Variants in TMEM50A observed in about 807,000 individuals in gnomAD.
The protein encoded by TMEM50A is cervical cancer oncogene 9.
Under a neutral mutation model 23.9 loss-of-function variants are expected in TMEM50A, and 8 were observed. The observed-to-expected ratio is 0.33, with a 90% CI of 0.20 to 0.60. The LOEUF (loss-of-function observed/expected upper bound fraction) is 0.60, where lower values mean the gene tolerates loss of function less well. Among genes scored for constraint, TMEM50A ranks in the 20% least tolerant of loss-of-function variants. The pLI, the probability that TMEM50A is intolerant of heterozygous loss-of-function variation, is 0.81. For missense variants in TMEM50A, 178 were observed against 192.7 expected (o/e 0.92, Z 0.45); for synonymous variants, 55 against 60.4 (o/e 0.91, Z 0.41).
chr1:25,357,153 A>G (rs1271047362), intron 6 of TMEM50A, among the ~76,000 whole-genome samples: 1 of 152,108 alleles, frequency 6.6e-6, no homozygotes, highest in Non-Finnish European at 1.5e-5. Context: ...TTAAACTTAG[A>G]TCTCTAACAG....
chr1:25,343,174 T>A, intron 3 of TMEM50A, 101 bp downstream of exon 3: 2 of 854,826 alleles, frequency 2.3e-6, no homozygotes, highest in Non-Finnish European at 3.6e-6. Flanking sequence ...ATTATCAGAT[T>A]AACACACTGG....
intron 3 of TMEM50A, 96 bp downstream of exon 3, chr1:25,343,169 C>T: frequency 1.1e-6 from 1 of 877,940 alleles, no homozygotes; most frequent in South Asian, 1.8e-5. Context: ...TAAATATTAT[C>T]AGATTAACAC....
chr1:25,358,182 C>T (rs1320570619), intron 6 of TMEM50A, among the ~76,000 whole-genome samples: 1 of 151,984 alleles, frequency 6.6e-6, no homozygotes, highest in African/African-American at 2.4e-5. Flanking sequence ...CTCCTGACCT[C>T]GTGACCCACC....
chr1:25,342,969 A>T lies in TMEM50A; in HGVS notation c.102A>T (p.Thr34=). The change falls in exon 3 of 7, where the codon ACA becomes ACT. Residue 34 remains threonine (T), a synonymous_variant. Transcript: ENST00000374358. ...TATCACCTTTGTTTTAGTTTTTTAC[A>T]GGCTGGTGGATTATCATAGATGCAG... ...ASIAAGVLFF[T]GWWIIIDAAV... The T allele has an allele frequency of 6.2e-7, 1 of 1,610,530 alleles. No individual in the cohort carries two copies. The highest frequency in any genetic ancestry group is 8.5e-7 in the Non-Finnish European group (1 of 1,178,886).
At chr1:25,341,587 C>G (rs1645169208) in intron 2 of TMEM50A, among the ~76,000 whole-genome samples, 1 of 152,090 alleles carries the variant, frequency 6.6e-6, no homozygotes, top group Non-Finnish European at 1.5e-5. Flanking sequence ...CCATGTTGGT[C>G]AAGCTGGTCT....
At chr1:25,360,534 C>T (rs768309607) in intron 6 of TMEM50A, 126 bp from the exon 7 acceptor site, 30 of 970,876 alleles carry the variant, frequency 3.1e-5, no homozygotes, top group East Asian at 5.0e-5. Context: ...TGATACATTT[C>T]GTACCAAAAT....
At chr1:25,357,528 AGTGTGT>A (rs58801158) in intron 6 of TMEM50A, among the ~76,000 whole-genome samples, 58 of 139,660 alleles carry the variant, frequency 4.2e-4, no homozygotes, top group African/African-American at 9.5e-4. Flanking sequence ...CTGCATCAGG[AGTGTGT>A]GTGTGTGTGT....
chr1:25,354,585 C>G (rs1341826725), intron 5 of TMEM50A, among the ~76,000 whole-genome samples: 1 of 151,782 alleles, frequency 6.6e-6, no homozygotes, highest in Non-Finnish European at 1.5e-5. Flanking sequence ...GTACTCCAGC[C>G]TGGGTGACAA....
chr1:25,358,239 G>T (rs1645357203), intron 6 of TMEM50A, among the ~76,000 whole-genome samples: 1 of 152,172 alleles, frequency 6.6e-6, no homozygotes, highest in Non-Finnish European at 1.5e-5. Flanking sequence ...GAGCCACCGT[G>T]CCTGGCCAAG....
At chr1:25,357,982 C>G (rs1645353547) in intron 6 of TMEM50A, among the ~76,000 whole-genome samples, 2 of 142,924 alleles carry the variant, frequency 1.4e-5, no homozygotes, top group Non-Finnish European at 1.5e-5. Flanking sequence ...GAGTCTCACT[C>G]TGTCGCCCAG....
chr1:25,345,097 TG>T (rs1342426710), intron 3 of TMEM50A, among the ~76,000 whole-genome samples: 1 of 151,788 alleles, frequency 6.6e-6, no homozygotes. Context: ...TTGAATCCAC[TG>T]TTTTTCCAGT....
Position 25,362,236 on chromosome 1 carries a change from TAAG to T in TMEM50A, c.*1534_*1536del. Reference sequence around the variant, plus strand: ...CTTTATTAAGCATGAGAAAGAATCTTAAGAATTGTCAATAAAATTAACCCAAAA... The same window carrying T: ...CTTTATTAAGCATGAGAAAGAATCTTAATTGTCAATAAAATTAACCCAAAA... On this transcript the variant is annotated 3_prime_UTR_variant, in exon 7 of 7. Transcript: ENST00000374358. The T allele has an allele frequency of 1.7e-6, 1 of 599,004 alleles. No individual in the cohort carries two copies. The highest frequency in any genetic ancestry group is 3.1e-5 in the Admixed American group (1 of 32,432). The allele number at this position is 599,004 out of a possible 1,614,324, so 37.1% of individuals were successfully genotyped here. A position where few individuals can be genotyped will look rare whatever the true frequency, so the allele number is the denominator to read the frequency against.
At position 25,362,348 on chromosome 1, in the gene TMEM50A, G is replaced by A. The variant is rs1645423636; in HGVS notation, c.*1643G>A. The A allele has an allele frequency of 1.5e-6, 2 of 1,354,864 alleles. No individual in the cohort carries two copies. Among genetic ancestry groups the A allele is most frequent in the Non-Finnish European group, 2.0e-6 (2 of 983,292 alleles). The allele number at this position is 1,354,864 out of a possible 1,614,324, so 83.9% of individuals were successfully genotyped here. A position where few individuals can be genotyped will look rare whatever the true frequency, so the allele number is the denominator to read the frequency against. ...ACATTTATTTTAAACTTATTAAATT[G>A]ACTCTTAAACTAAGTTTTTAGTCTT... On this transcript the variant is annotated 3_prime_UTR_variant, in exon 7 of 7. Coordinates refer to ENST00000374358, the MANE Select transcript of TMEM50A (RefSeq NM_014313.4).
intron 1 of TMEM50A, among the ~76,000 whole-genome samples, chr1:25,339,032 G>A (rs1645136776): frequency 6.6e-6 from 1 of 152,192 alleles, no homozygotes; most frequent in African/African-American, 2.4e-5. Context: ...TGTCCCAAAG[G>A]CATCTTAGCA....
intron 6 of TMEM50A, among the ~76,000 whole-genome samples, chr1:25,357,528 A>AGAGT (rs1553152307): frequency 7.2e-6 from 1 of 139,564 alleles, no homozygotes; most frequent in Non-Finnish European, 1.6e-5. Context: ...CTGCATCAGG[A>AGAGT]GTGTGTGTGT....
At chr1:25,355,925 G>T (rs1391948739) in intron 5 of TMEM50A, among the ~76,000 whole-genome samples, 1 of 152,210 alleles carries the variant, frequency 6.6e-6, no homozygotes, top group Non-Finnish European at 1.5e-5. Flanking sequence ...GATGACATTT[G>T]TCTTCCTCCC....
intron 4 of TMEM50A, among the ~76,000 whole-genome samples, chr1:25,352,053 A>G (rs1645280036): frequency 1.3e-5 from 2 of 152,158 alleles, no homozygotes; most frequent in African/African-American, 2.4e-5. Context: ...TTTTAATGCA[A>G]CCTTCCTAAG....
chr1:25,339,541 G>A (rs189901575), intron 1 of TMEM50A, among the ~76,000 whole-genome samples: 12 of 152,310 alleles, frequency 7.9e-5, no homozygotes, highest in Admixed American at 4.6e-4. Context: ...GGTAAGAACT[G>A]CAGTGCAGTG....
intron 3 of TMEM50A, among the ~76,000 whole-genome samples, chr1:25,348,116 A>C (rs1189349022): frequency 1.3e-5 from 2 of 152,224 alleles, no homozygotes. Context: ...TTGCATTAAC[A>C]TAATTATAGC....
Sources: gnomAD v4.1 joint callset for allele counts (sites outside exome capture counted in the v4.1 genomes callset) on GRCh38, gnomAD v4.1.1 for gene constraint, MANE v1.5 for transcripts, NCBI Gene and HGNC (gene_info 2026-07-23, HGNC 2026-07-21) for gene names.